Variants in MPP3 observed in about 807,000 individuals in gnomAD.
The protein encoded by MPP3 is MAGUK p55 scaffold protein 3, also known as MAGUK p55 subfamily member 3.
In MPP3, 48 loss-of-function variants were observed where a neutral mutation model predicts 80.7. The observed-to-expected ratio is 0.59, with a 90% CI of 0.47 to 0.76. MPP3 has a LOEUF of 0.76. MPP3 is among the 30% of genes least tolerant of loss of function. The pLI is 0.00. For synonymous variants in MPP3, 311 were observed against 297.6 expected (o/e 1.04, Z -0.46); for missense variants, 620 against 763.0 (o/e 0.81, Z 2.21).
intron 7 of MPP3, among the ~76,000 whole-genome samples, chr17:43,828,260 G>C (rs984283916): frequency 1.3e-5 from 2 of 152,130 alleles, no homozygotes; most frequent in African/African-American, 4.8e-5. Flanking sequence ...CAGGGTTACC[G>C]GGCCTTCTGC....
chr17:43,814,107 A>G lies in MPP3; in HGVS notation c.1175-16T>C, dbSNP rs775798386. ...CCCAGAGACCCTGGGAAACAAGAAG[A>G]AGGCTGACCAGGGTCCCTGCTGAGC... On this transcript the variant is annotated splice_polypyrimidine_tract_variant and intron_variant, in intron 15 of 19. Coordinates refer to ENST00000398389, the MANE Select transcript of MPP3 (RefSeq NM_001932.6). 37 of 1,607,622 alleles carry G rather than the reference A, an allele frequency of 2.3e-5. No individual in the cohort carries two copies. The Admixed American group carries it at 4.5e-4, about 20-fold the overall frequency.
chr17:43,806,168 A>T lies in MPP3; in HGVS notation c.1581+2788T>A, dbSNP rs28432294. On this transcript the variant is annotated intron_variant, in intron 19 of 19. Coordinates refer to ENST00000398389, the MANE Select transcript of MPP3 (RefSeq NM_001932.6). The stretch of plus-strand genomic sequence containing the variant: ...CACATGGCTTTTATTTATTTATTTA[A>T]TTAATTTATTTTTTTGAGACAGAGT... Among the ~76,000 whole-genome samples the T allele has an allele frequency of 5.1e-3, 698 of 137,248 alleles. 5 individuals carry two copies. Among genetic ancestry groups the T allele is most frequent in the African/African-American group, 0.019 (596 of 31,772 alleles). The allele number at this position is 137,248 out of a possible 152,430, so 90.0% of individuals were successfully genotyped here. A position where few individuals can be genotyped will look rare whatever the true frequency, so the allele number is the denominator to read the frequency against.
chr17:43,805,909 T>C (rs1315403787), intron 19 of MPP3, among the ~76,000 whole-genome samples: 1 of 152,258 alleles, frequency 6.6e-6, no homozygotes, highest in Non-Finnish European at 1.5e-5. Context: ...TTGAATTGTA[T>C]GCTTTAAATG....
At chr17:43,806,964 TAG>T (rs2044644458) in intron 19 of MPP3, among the ~76,000 whole-genome samples, 1 of 151,972 alleles carries the variant, frequency 6.6e-6, no homozygotes, top group African/African-American at 2.4e-5. Flanking sequence ...CTATTCCCCT[TAG>T]AGTTTCTTGT....
intron 5 of MPP3, 132 bp from the exon 6 acceptor site, chr17:43,830,239 G>C (rs1157917553): frequency 1.8e-6 from 1 of 544,042 alleles, no homozygotes; most frequent in African/African-American, 1.9e-5. Flanking sequence ...ACCACCCGAC[G>C]ACGATGATCC....
At chr17:43,827,700 G>C (rs2045776970) in intron 8 of MPP3, 51 bp downstream of exon 8, 1 of 1,578,446 alleles carries the variant, frequency 6.3e-7, no homozygotes, top group Non-Finnish European at 8.6e-7. Flanking sequence ...GAGGGCTCTG[G>C]AACAATGGCC....
chr17:43,818,241 C>T, intron 11 of MPP3, 131 bp from the exon 12 acceptor site: 2 of 669,366 alleles, frequency 3.0e-6, no homozygotes, highest in South Asian at 2.9e-5. Context: ...ACTCTGAGGG[C>T]CTCCTGCTTA....
At chr17:43,817,939 A>C in intron 12 of MPP3, 107 bp downstream of exon 12, 2 of 745,586 alleles carry the variant, frequency 2.7e-6, no homozygotes, top group South Asian at 1.8e-5. Flanking sequence ...CTCAGACAAG[A>C]CCCCTGATGC....
rs16940218 is a variant in MPP3 at position 43,802,527 on chromosome 17, A to G, written c.1582-650T>C. Among the ~76,000 whole-genome samples the G allele has an allele frequency of 9.3e-3, 1,416 of 152,324 alleles. 19 individuals are homozygous for G. The highest frequency in any genetic ancestry group is 0.032 in the African/African-American group (1,329 of 41,582). ...CTTAGGGCAGCTGATCTCTTTAATC[A>G]GATTGCTTTTCTGACACTTAACATT... On this transcript the variant is annotated intron_variant, in intron 19 of 19. Coordinates refer to ENST00000398389, the MANE Select transcript of MPP3 (RefSeq NM_001932.6).
At chr17:43,816,791 GC>G (rs1197483696) in intron 12 of MPP3, 94 bp from the exon 13 acceptor site, 7 of 1,188,158 alleles carry the variant, frequency 5.9e-6, no homozygotes, top group Middle Eastern at 1.9e-4. Flanking sequence ...TGCCTGAGGA[GC>G]CCGCCATCTG....
At chr17:43,815,730 G>GTT (rs1393448753) in intron 14 of MPP3, 1 of 599,958 alleles carries the variant, frequency 1.7e-6, no homozygotes, top group South Asian at 1.6e-5. Flanking sequence ...TGGTAGTGGT[G>GTT]TTAATATTGA....
At chr17:43,804,050 C>G (rs1412727469) in intron 19 of MPP3, among the ~76,000 whole-genome samples, 2 of 152,206 alleles carry the variant, frequency 1.3e-5, no homozygotes, top group Non-Finnish European at 2.9e-5. Context: ...AAAGCTGGCA[C>G]TGCCTGTGGA....
chr17:43,808,048 A>G (rs560555272), intron 19 of MPP3, among the ~76,000 whole-genome samples: 2 of 152,328 alleles, frequency 1.3e-5, no homozygotes, highest in African/African-American at 4.8e-5. Flanking sequence ...TGAGCCCAGG[A>G]GTTCAAGACC....
chr17:43,810,385 C>T (rs4793035), intron 18 of MPP3, among the ~76,000 whole-genome samples: 22,858 of 152,054 alleles, frequency 0.15, 2,208 homozygotes, highest in Non-Finnish European at 0.21. Context: ...CACTGCCTCC[C>T]TGAGTGGTTC....
In MPP3 at chr17:43,801,775, A is replaced by G. The variant is rs1411822141; in HGVS notation, c.1684T>C (p.Tyr562His). The G allele has an allele frequency of 1.4e-5, 23 of 1,614,118 alleles. No homozygotes were observed. Among genetic ancestry groups the G allele is most frequent in the Non-Finnish European group, 1.9e-5 (22 of 1,180,000 alleles). The change falls in exon 20 of 20, where the codon TAC (tyrosine) becomes CAC (histidine). Residue 562 changes from tyrosine (Y) to histidine (H), a missense_variant. By Grantham distance (83) the Tyr-to-His change is moderately conservative. Coordinates refer to ENST00000398389, the MANE Select transcript of MPP3 (RefSeq NM_001932.6). Reference sequence around the variant, plus strand: ...TCTAAGACCACTTTGAGCTGGCTGTAGGCACCCTGGAGATCCTCCTTCACC... The same window carrying G: ...TCTAAGACCACTTTGAGCTGGCTGTGGGCACCCTGGAGATCCTCCTTCACC... ...VLVKEDLQGAYSQLKVVLEKL... is the reference protein window; with the variant it reads ...VLVKEDLQGAHSQLKVVLEKL...
rs1019796023 is a variant in MPP3 at position 43,801,017 on chromosome 17, C to T, written c.*684G>A. ...GAACAAATCAAACAAAGCATGGGCTCGATGTTAGGAATCTGAGGGTATTTA... is the reference window on the plus strand; with the variant it reads ...GAACAAATCAAACAAAGCATGGGCTTGATGTTAGGAATCTGAGGGTATTTA... On this transcript the variant is annotated 3_prime_UTR_variant, in exon 20 of 20. Coordinates refer to ENST00000398389, the MANE Select transcript of MPP3 (RefSeq NM_001932.6). 6.6e-6 allele frequency: 1 copy of T among 152,088 alleles called. No homozygotes were observed. The highest frequency in any genetic ancestry group is 1.5e-5 in the Non-Finnish European group (1 of 68,138). 9.4% of individuals were successfully genotyped at this position (152,088 alleles called of 1,614,324 possible). A position where few individuals can be genotyped will look rare whatever the true frequency, so the allele number is the denominator to read the frequency against.
At chr17:43,825,871 C>A (rs1358971527) in intron 8 of MPP3, 30 bp from the exon 9 acceptor site, 3 of 1,416,958 alleles carry the variant, frequency 2.1e-6, no homozygotes, top group Non-Finnish European at 3.0e-6. Flanking sequence ...ACCATCAGCA[C>A]AGGAGGAGGA....
In MPP3 at chr17:43,831,605, A is replaced by G; in HGVS notation, c.98T>C (p.Phe33Ser). Residue 33 changes from phenylalanine to serine, a missense_variant, in exon 4 of 20, where the codon TTC (phenylalanine) becomes TCC (serine). By Grantham distance (155) the Phe-to-Ser change is radical. Coordinates refer to ENST00000398389, the MANE Select transcript of MPP3 (RefSeq NM_001932.6). ...TTTTTCACTGAAAACATCCCTCAGGAAGCCCATCTCCTCCTTGTGGTTGGA... is the reference window on the plus strand; with the variant it reads ...TTTTTCACTGAAAACATCCCTCAGGGAGCCCATCTCCTCCTTGTGGTTGGA... ...PDSNHKEEMG[F>S]LRDVFSEKSL... The G allele has an allele frequency of 1.2e-6, 2 of 1,613,990 alleles. No homozygotes were observed. The highest frequency in any genetic ancestry group is 1.7e-6 in the Non-Finnish European group (2 of 1,179,902).
Position 43,831,944 on chromosome 17 carries a change from C to G in MPP3, c.-37-1G>C. 6.2e-7 allele frequency: 1 copy of G among 1,607,394 alleles called. No homozygotes were observed. Among genetic ancestry groups the G allele is most frequent in the Non-Finnish European group, 8.5e-7 (1 of 1,175,718 alleles). On this transcript the variant is annotated splice_acceptor_variant, in intron 2 of 19. Transcript: ENST00000398389. LOFTEE classifies it low-confidence loss of function (5UTR_SPLICE). Reference sequence around the variant, plus strand: ...ACCTCCCGACCTCTCCCTGCAGATTCTGGGAGAAGGGGGTGGAGGTGGGTA... The same window carrying G: ...ACCTCCCGACCTCTCCCTGCAGATTGTGGGAGAAGGGGGTGGAGGTGGGTA...
Sources: gnomAD v4.1 joint callset for allele counts (sites outside exome capture counted in the v4.1 genomes callset) on GRCh38, gnomAD v4.1.1 for gene constraint, MANE v1.5 for transcripts, NCBI Gene and HGNC (gene_info 2026-07-23, HGNC 2026-07-21) for gene names.